The following PREX2 variants were observed in gnomAD, a reference collection of about 807,000 sequenced individuals.
The protein encoded by PREX2 is phosphatidylinositol 3,4,5-trisphosphate-dependent Rac exchanger 2 protein.
PREX2 carries 107 observed loss-of-function variants against 203.2 expected under a neutral mutation model. That is an observed-to-expected ratio of 0.53 (90% CI 0.45 to 0.62). The LOEUF (loss-of-function observed/expected upper bound fraction) is 0.62. Ranked by LOEUF, PREX2 falls within the 20% of genes least tolerant of loss-of-function variation. The probability of loss-of-function intolerance (pLI) is 0.00; values close to 1 mark genes in which losing one functional copy is unlikely to be tolerated. For missense variants in PREX2, 1,777 were observed against 1,955.9 expected, an observed-to-expected ratio of 0.91 and a Z score of 1.72; for synonymous variants, 672 against 663.6, an observed-to-expected ratio of 1.01 and a Z score of -0.19.
intron 26 of PREX2, among the ~76,000 whole-genome samples, chr8:68,118,244 A>G (rs1384276753): frequency 1.3e-5 from 2 of 151,420 alleles, no homozygotes; most frequent in Non-Finnish European, 2.9e-5. Flanking sequence ...AGTCCCAGCT[A>G]CTCGGGAGGC....
intron 35 of PREX2, among the ~76,000 whole-genome samples, chr8:68,189,181 G>A (rs1393583343): frequency 6.6e-6 from 1 of 152,186 alleles, no homozygotes; most frequent in Non-Finnish European, 1.5e-5. Context: ...TCCTACATAA[G>A]TACCTGTACA....
At chr8:68,031,457 A>T (rs1473751128) in intron 6 of PREX2, among the ~76,000 whole-genome samples, 4 of 152,198 alleles carry the variant, frequency 2.6e-5, no homozygotes, top group Non-Finnish European at 5.9e-5. Context: ...ACATAAAACC[A>T]AGTGGATTGC....
intron 17 of PREX2, 109 bp downstream of exon 17, chr8:68,080,947 T>G: frequency 1.4e-6 from 1 of 726,550 alleles, no homozygotes; most frequent in Non-Finnish European, 2.4e-6. Flanking sequence ...TGAAATTATC[T>G]TTATCAAACA....
chr8:68,114,279 A>C, intron 25 of PREX2: 1 of 506,100 alleles, frequency 2.0e-6, no homozygotes, highest in Non-Finnish European at 4.0e-6. Context: ...ATTGGGTTTG[A>C]CATTATGGAA....
At chr8:68,094,266 C>T (rs903876477) in intron 21 of PREX2, among the ~76,000 whole-genome samples, 14 of 152,138 alleles carry the variant, frequency 9.2e-5, no homozygotes, top group African/African-American at 2.9e-4. Flanking sequence ...TATTAAAATT[C>T]GAGAAGCCCT....
At chr8:68,006,092 G>C (rs1227700814) in intron 1 of PREX2, among the ~76,000 whole-genome samples, 1 of 152,174 alleles carries the variant, frequency 6.6e-6, no homozygotes, top group Admixed American at 6.5e-5. Flanking sequence ...CAATTTTACA[G>C]TTGACCTGCA....
chr8:68,006,017 G>A (rs542823403), intron 1 of PREX2, among the ~76,000 whole-genome samples: 2 of 152,322 alleles, frequency 1.3e-5, no homozygotes, highest in East Asian at 3.9e-4. Context: ...AGTTGATTTT[G>A]GGATATATTG....
chr8:68,134,164 A>C lies in PREX2; in HGVS notation c.3872A>C (p.Asp1291Ala). ...ATGGCGGCCTTGAACCAGATGTTTG[A>C]CAACAGCAAGGAAAATGAGATGGAA... ...QLMAALNQMF[D>A]NSKENEMETW... Residue 1291 changes from aspartate (D) to alanine (A), a missense_variant, in exon 32 of 40, where the codon GAC (aspartate) becomes GCC (alanine). Asp to Ala is a moderately radical substitution (Grantham distance 126). Transcript: ENST00000288368. 1 of 1,614,108 alleles carries C rather than the reference A, an allele frequency of 6.2e-7. No individual in the cohort carries two copies. Among genetic ancestry groups the C allele is most frequent in the Non-Finnish European group, 8.5e-7 (1 of 1,180,006 alleles).
chr8:67,983,992 G>A (rs776616199), intron 1 of PREX2, among the ~76,000 whole-genome samples: 103 of 151,756 alleles, frequency 6.8e-4, no homozygotes, highest in Non-Finnish European at 1.3e-3. Context: ...GCCGTGCTTG[G>A]TACTGCTCTG....
chr8:67,993,937 C>T (rs1345256473), intron 1 of PREX2, among the ~76,000 whole-genome samples: 1 of 152,106 alleles, frequency 6.6e-6, no homozygotes, highest in African/African-American at 2.4e-5. Context: ...TGTTTGTAAA[C>T]AGGCAGATGA....
chr8:68,118,509 C>T, intron 26 of PREX2, 41 bp from the exon 27 acceptor site: 1 of 1,316,394 alleles, frequency 7.6e-7, no homozygotes, highest in Non-Finnish European at 1.1e-6. Flanking sequence ...GACACCTGGG[C>T]AGATGCACTC....
intron 38 of PREX2, among the ~76,000 whole-genome samples, chr8:68,218,221 G>A (rs534449210): frequency 1.3e-5 from 2 of 152,264 alleles, no homozygotes; most frequent in African/African-American, 2.4e-5. Flanking sequence ...GGGATAAATA[G>A]CAGTCTTTGG....
intron 33 of PREX2, among the ~76,000 whole-genome samples, chr8:68,145,854 A>G (rs1811316101): frequency 6.6e-6 from 1 of 152,060 alleles, no homozygotes; most frequent in Non-Finnish European, 1.5e-5. Flanking sequence ...TACCCCAAGG[A>G]CTCATTCTGA....
At chr8:68,167,665 T>C (rs1407863447) in intron 35 of PREX2, among the ~76,000 whole-genome samples, 2 of 152,172 alleles carry the variant, frequency 1.3e-5, no homozygotes, top group Non-Finnish European at 2.9e-5. Flanking sequence ...ACTTGCCTTC[T>C]TCCATGACTT....
chr8:68,075,857 A>C (rs1019444682), intron 14 of PREX2, among the ~76,000 whole-genome samples: 1 of 152,108 alleles, frequency 6.6e-6, no homozygotes, highest in Admixed American at 6.5e-5. Context: ...ATGAGGTAGG[A>C]CCCTTATTTT....
intron 2 of PREX2, among the ~76,000 whole-genome samples, 157 bp from the exon 3 acceptor site, chr8:68,019,392 G>A (rs372851154): frequency 6.6e-6 from 1 of 152,212 alleles, no homozygotes; most frequent in African/African-American, 2.4e-5. Flanking sequence ...TGTCGGCGGC[G>A]TGAAGGGGAA....
chr8:68,128,759 A>G (rs1245406052), intron 31 of PREX2, among the ~76,000 whole-genome samples: 1 of 152,244 alleles, frequency 6.6e-6, no homozygotes, highest in Non-Finnish European at 1.5e-5. Flanking sequence ...GGGTAGAGAC[A>G]TAGATTCTAC....
chr8:67,995,650 A>T (rs924442446), intron 1 of PREX2, among the ~76,000 whole-genome samples: 3 of 152,164 alleles, frequency 2.0e-5, no homozygotes, highest in African/African-American at 7.2e-5. Context: ...ATCTTAATGG[A>T]TGGTATTTAT....
rs933782103 is a variant in PREX2, at chr8:68,159,564, T to C, written c.4346+2128T>C. On this transcript the variant is annotated intron_variant, in intron 35 of 39. Coordinates refer to ENST00000288368, the MANE Select transcript of PREX2 (RefSeq NM_024870.4). The stretch of plus-strand genomic sequence containing the variant: ...GAGATCCCAAAATAACCTGAGTTCC[T>C]GGTCCTGTCAGAAAGTGACATTCTT... Among the ~76,000 whole-genome samples, 66 of 152,328 alleles carry C rather than the reference T, an allele frequency of 4.3e-4. 1 individual carries two copies. Among genetic ancestry groups the C allele is most frequent in the African/African-American group, 1.6e-3 (66 of 41,582 alleles).
Sources: allele counts gnomAD v4.1 joint callset (sites outside exome capture counted in the v4.1 genomes callset), GRCh38; gene constraint gnomAD v4.1.1; transcripts MANE v1.5; gene names NCBI Gene and HGNC (gene_info 2026-07-23, HGNC 2026-07-21).